Variants in ABTB2 observed in about 807,000 individuals in gnomAD.
ABTB2 encodes ankyrin repeat and BTB domain containing 2.
In ABTB2, 56 loss-of-function variants were observed where a neutral mutation model predicts 104.1. The observed-to-expected ratio is 0.54, with a 90% CI of 0.43 to 0.67. The LOEUF (loss-of-function observed/expected upper bound fraction) is 0.67. Ranked by LOEUF, ABTB2 falls within the 30% of genes least tolerant of loss-of-function variation. The pLI is 0.00. For missense variants in ABTB2, 1,279 were observed against 1,407.7 expected (o/e 0.91, Z 1.46); for synonymous variants, 606 against 608.2 (o/e 1.00, Z 0.05).
intron 1 of ABTB2, among the ~76,000 whole-genome samples, chr11:34,229,632 G>C (rs1188560502): frequency 6.6e-6 from 1 of 152,148 alleles, no homozygotes; most frequent in Non-Finnish European, 1.5e-5. Flanking sequence ...ACAAAGTTAG[G>C]ATGACCCTTA....
chr11:34,306,322 C>T (rs1854771485), intron 1 of ABTB2, among the ~76,000 whole-genome samples: 1 of 141,520 alleles, frequency 7.1e-6, no homozygotes, highest in African/African-American at 2.6e-5. Context: ...TCTCGGCTCA[C>T]TGCAACCTCT....
At chr11:34,189,833 T>C (rs1853149262) in intron 3 of ABTB2, among the ~76,000 whole-genome samples, 1 of 152,216 alleles carries the variant, frequency 6.6e-6, no homozygotes, top group South Asian at 2.1e-4. Flanking sequence ...AATGTGATGC[T>C]GCTGCTGCTG....
At chr11:34,239,108 T>C (rs73495537) in intron 1 of ABTB2, among the ~76,000 whole-genome samples, 21 of 152,244 alleles carry the variant, frequency 1.4e-4, no homozygotes, top group African/African-American at 4.6e-4. Context: ...AGAAGCTCCA[T>C]GAAAGCCAGG....
At chr11:34,215,719 T>C (rs1490862011) in intron 1 of ABTB2, among the ~76,000 whole-genome samples, 1 of 152,212 alleles carries the variant, frequency 6.6e-6, no homozygotes, top group Non-Finnish European at 1.5e-5. Context: ...AGATTGAGCA[T>C]TAAAACAGGT....
At chr11:34,229,438 A>G (rs1372675273) in intron 1 of ABTB2, among the ~76,000 whole-genome samples, 12 of 148,928 alleles carry the variant, frequency 8.1e-5, no homozygotes, top group South Asian at 2.2e-4. Context: ...CAGAGATCGC[A>G]CCACTGCACT....
intron 12 of ABTB2, 88 bp downstream of exon 12, chr11:34,160,160 G>A (rs1345654346): frequency 7.3e-7 from 1 of 1,365,464 alleles, no homozygotes; most frequent in African/African-American, 1.4e-5. Flanking sequence ...GCTTGGAAAT[G>A]GAGAAAGATG....
At chr11:34,352,501 G>A (rs1190269438) in intron 1 of ABTB2, among the ~76,000 whole-genome samples, 1 of 152,184 alleles carries the variant, frequency 6.6e-6, no homozygotes, top group East Asian at 1.9e-4. Context: ...TTCATGAGAG[G>A]AGGGCTTTTC....
At chr11:34,162,945 C>T in intron 9 of ABTB2, 140 bp from the exon 10 acceptor site, 1 of 783,656 alleles carries the variant, frequency 1.3e-6, no homozygotes, top group Non-Finnish European at 2.0e-6. Flanking sequence ...CTTCCTCCTC[C>T]AGGCAGGCCA....
intron 3 of ABTB2, among the ~76,000 whole-genome samples, chr11:34,187,499 C>CTT (rs33924050): frequency 0.29 from 40,348 of 140,600 alleles, 7,219 homozygotes; most frequent in Non-Finnish European, 0.41. Context: ...TCTTCTTTGC[C>CTT]TTTTTTTTTT....
chr11:34,249,160 A>C (rs1384753363), intron 1 of ABTB2, among the ~76,000 whole-genome samples: 2 of 152,202 alleles, frequency 1.3e-5, no homozygotes, highest in Non-Finnish European at 2.9e-5. Context: ...AGACACTCGC[A>C]ACATGAATTT....
intron 1 of ABTB2, among the ~76,000 whole-genome samples, chr11:34,263,647 T>C (rs1854214879): frequency 6.6e-6 from 1 of 152,018 alleles, no homozygotes. Context: ...GGTGCAGCAG[T>C]GGGTTAAGAG....
rs141598094 is a variant in ABTB2, at chr11:34,354,999, A to G, written c.883+1702T>C. Reference sequence around the variant, plus strand: ...ATGCCACAAACCTGGAGGGTGAGGCACAACAAGCAGCTGTGACATCATCAA... The same window carrying G: ...ATGCCACAAACCTGGAGGGTGAGGCGCAACAAGCAGCTGTGACATCATCAA... On this transcript the variant is annotated intron_variant, in intron 1 of 16. Transcript: ENST00000435224. 6.0e-3 allele frequency among the ~76,000 whole-genome samples: 912 copies of G among 152,356 alleles called. 4 individuals are homozygous for G. The highest frequency in any genetic ancestry group is 0.017 in the Middle Eastern group (5 of 294).
At chr11:34,254,635 T>C (rs1031306450) in intron 1 of ABTB2, among the ~76,000 whole-genome samples, 2 of 151,722 alleles carry the variant, frequency 1.3e-5, no homozygotes, top group Non-Finnish European at 2.9e-5. Flanking sequence ...ATGTGGTTTT[T>C]GGGCACTTAA....
intron 1 of ABTB2, among the ~76,000 whole-genome samples, chr11:34,225,613 G>A (rs931988704): frequency 7.3e-5 from 11 of 151,668 alleles, no homozygotes; most frequent in African/African-American, 1.9e-4. Flanking sequence ...AAATTAGCCC[G>A]GTGTGGTGGC....
At chr11:34,318,255 T>C (rs1854963963) in intron 1 of ABTB2, among the ~76,000 whole-genome samples, 2 of 152,172 alleles carry the variant, frequency 1.3e-5, no homozygotes, top group African/African-American at 4.8e-5. Flanking sequence ...TAGGCATGAG[T>C]CACTGTGCCT....
intron 1 of ABTB2, among the ~76,000 whole-genome samples, chr11:34,349,451 G>A (rs917171165): frequency 2.6e-5 from 4 of 152,162 alleles, no homozygotes; most frequent in African/African-American, 4.8e-5. Flanking sequence ...AGCCACCAAG[G>A]AAAGCCTTGC....
At chr11:34,325,306 T>C (rs1410661472) in intron 1 of ABTB2, among the ~76,000 whole-genome samples, 1 of 152,200 alleles carries the variant, frequency 6.6e-6, no homozygotes, top group Non-Finnish European at 1.5e-5. Flanking sequence ...ATAAATGCTC[T>C]CCAAGACAGA....
At chr11:34,306,982 TAAAAAAAAAA>T (rs61161318) in intron 1 of ABTB2, among the ~76,000 whole-genome samples, 17 of 94,542 alleles carry the variant, frequency 1.8e-4, no homozygotes, top group African/African-American at 5.6e-4. Flanking sequence ...TCAGGAAACT[TAAAAAAAAAA>T]AAAAAAAAAA....
intron 1 of ABTB2, among the ~76,000 whole-genome samples, chr11:34,271,870 T>C (rs893273441): frequency 1.8e-4 from 28 of 152,338 alleles, no homozygotes; most frequent in African/African-American, 6.7e-4. Flanking sequence ...CTTATATCCC[T>C]AGCATCCTGT....
Sources: gnomAD v4.1 joint callset for allele counts (sites outside exome capture counted in the v4.1 genomes callset) on GRCh38, gnomAD v4.1.1 for gene constraint, MANE v1.5 for transcripts, NCBI Gene and HGNC (gene_info 2026-07-23, HGNC 2026-07-21) for gene names.